Variants in AFG2A observed in about 807,000 individuals in gnomAD.
AFG2A encodes the protein ATPase family gene 2 protein homolog A.
At chr4:123,007,640 A>AT in the AFG2A span, among the ~76,000 whole-genome samples, 5 of 23,496 alleles carry the variant, frequency 2.1e-4, no homozygotes, top group Non-Finnish European at 5.6e-4. Context: ...ACACACACAC[A>AT]CAACACACAC....
At chr4:123,061,133 T>A in the AFG2A span, among the ~76,000 whole-genome samples, 1 of 152,166 alleles carries the variant, frequency 6.6e-6, no homozygotes, top group Non-Finnish European at 1.5e-5. Context: ...AGTTCCAAAT[T>A]TTCCCACATC....
chr4:123,256,519 C>T, the AFG2A span, among the ~76,000 whole-genome samples: 67 of 152,272 alleles, frequency 4.4e-4, no homozygotes, highest in South Asian at 1.0e-3. Flanking sequence ...TCTAACTTTG[C>T]GTTCTTTACC....
chr4:122,946,825 T>C, the AFG2A span, among the ~76,000 whole-genome samples: 1 of 152,174 alleles, frequency 6.6e-6, no homozygotes, highest in Non-Finnish European at 1.5e-5. Flanking sequence ...TTGAGTATTA[T>C]ATGTGTCAGA....
chr4:123,074,447 C>CTTTTTTTTT, the AFG2A span, among the ~76,000 whole-genome samples: 1 of 37,210 alleles, frequency 2.7e-5, no homozygotes, highest in Non-Finnish European at 1.4e-4. Context: ...TTCTTTTTTT[C>CTTTTTTTTT]TTTTTTTTTT....
chr4:123,097,101 C>G, the AFG2A span, among the ~76,000 whole-genome samples: 2 of 152,000 alleles, frequency 1.3e-5, no homozygotes, highest in African/African-American at 4.8e-5. Context: ...TCCCAAGTAG[C>G]TAAGATTATA....
At chr4:122,933,067 G>A in the AFG2A span, among the ~76,000 whole-genome samples, 1 of 152,200 alleles carries the variant, frequency 6.6e-6, no homozygotes, top group Non-Finnish European at 1.5e-5. Flanking sequence ...GTGCATGTGT[G>A]TATGTATGTG....
the AFG2A span, among the ~76,000 whole-genome samples, chr4:123,119,458 T>C: frequency 4.5e-3 from 685 of 152,274 alleles, 10 homozygotes; most frequent in Non-Finnish European, 6.5e-3. Context: ...CTGAAGAGTC[T>C]AGGAAGTGAC....
chr4:123,286,331 T>G, the AFG2A span, among the ~76,000 whole-genome samples: 1 of 152,196 alleles, frequency 6.6e-6, no homozygotes, highest in Non-Finnish European at 1.5e-5. Flanking sequence ...TTTTAATTTC[T>G]CCAAGAGTTA....
chr4:123,090,468 GA>G, the AFG2A span: 1 of 1,253,334 alleles, frequency 8.0e-7, no homozygotes, highest in East Asian at 2.6e-5. Flanking sequence ...CTTCATATTT[GA>G]AAATAGACAT....
At chr4:123,059,389 T>A in the AFG2A span, among the ~76,000 whole-genome samples, 2 of 146,730 alleles carry the variant, frequency 1.4e-5, no homozygotes, top group African/African-American at 5.0e-5. Context: ...CACCTATGAG[T>A]GAGAATATGC....
chr4:123,174,375 CAACAT>C, the AFG2A span, among the ~76,000 whole-genome samples: 2 of 152,070 alleles, frequency 1.3e-5, no homozygotes, highest in Non-Finnish European at 1.5e-5. Context: ...GGGCACATAA[CAACAT>C]AAAGATACCA....
chr4:123,170,008 A>G, the AFG2A span, among the ~76,000 whole-genome samples: 1 of 152,216 alleles, frequency 6.6e-6, no homozygotes, highest in Non-Finnish European at 1.5e-5. Flanking sequence ...AACTCTGGGT[A>G]GAAACAGAGT....
the AFG2A span, among the ~76,000 whole-genome samples, chr4:123,046,310 C>T: frequency 1.3e-5 from 2 of 152,064 alleles, no homozygotes; most frequent in Non-Finnish European, 2.9e-5. Flanking sequence ...ATTAATTAAT[C>T]GCAGATGGAA....
chr4:123,235,500 T>C, the AFG2A span, among the ~76,000 whole-genome samples: 1 of 152,142 alleles, frequency 6.6e-6, no homozygotes, highest in Non-Finnish European at 1.5e-5. Context: ...GAGATGAACA[T>C]GTATTGAAGA....
the AFG2A span, among the ~76,000 whole-genome samples, chr4:123,156,456 A>C: frequency 6.6e-6 from 1 of 152,190 alleles, no homozygotes; most frequent in African/African-American, 2.4e-5. Flanking sequence ...CACCATTTTT[A>C]AACATTAGCT....
chr4:122,950,672 G>A, the AFG2A span, among the ~76,000 whole-genome samples: 4 of 152,250 alleles, frequency 2.6e-5, no homozygotes, highest in Non-Finnish European at 5.9e-5. Context: ...GCTGTAGGCT[G>A]CACACATCTG....
At chr4:123,000,359 G>C in the AFG2A span, among the ~76,000 whole-genome samples, 6 of 151,006 alleles carry the variant, frequency 4.0e-5, no homozygotes, top group African/African-American at 1.5e-4. Flanking sequence ...GGAGTGGTGA[G>C]AGAGGGCATC....
the AFG2A span, among the ~76,000 whole-genome samples, chr4:123,220,763 C>G: frequency 1.3e-5 from 2 of 151,822 alleles, no homozygotes; most frequent in African/African-American, 4.8e-5. Context: ...CTAAAAACTT[C>G]TTCAGCTTAT....
At chr4:123,316,002 A>C in the AFG2A span, 1 of 151,928 alleles carries the variant, frequency 6.6e-6, no homozygotes, top group Non-Finnish European at 1.5e-5. Flanking sequence ...CTGGTCTCCA[A>C]CTCCTGGCCT....
Sources: gnomAD v4.1 joint callset for allele counts (sites outside exome capture counted in the v4.1 genomes callset) on GRCh38, gnomAD v4.1.1 for gene constraint, MANE v1.5 for transcripts, NCBI Gene and HGNC (gene_info 2026-07-23, HGNC 2026-07-21) for gene names.